Variants in ESRRG observed in about 807,000 individuals in gnomAD.
ESRRG encodes the protein estrogen-related receptor gamma.
ESRRG carries 13 observed loss-of-function variants against 44.0 expected under a neutral mutation model. That is an observed-to-expected ratio of 0.30 (90% confidence interval 0.19 to 0.47). The LOEUF (loss-of-function observed/expected upper bound fraction) is 0.47. ESRRG is among the 20% of genes least tolerant of loss of function. The pLI is 1.00. For missense variants in ESRRG, 395 were observed against 580.6 expected, an observed-to-expected ratio of 0.68 and a Z score of 3.29; for synonymous variants, 215 against 214.6, an observed-to-expected ratio of 1.00 and a Z score of -0.02.
chr1:216,674,493 G>A (rs1186267302), intron 2 of ESRRG, among the ~76,000 whole-genome samples: 1 of 152,188 alleles, frequency 6.6e-6, no homozygotes, highest in East Asian at 1.9e-4. Flanking sequence ...CATATGTACT[G>A]CATACTAACT....
intron 2 of ESRRG, among the ~76,000 whole-genome samples, chr1:216,845,632 G>A (rs186150567): frequency 6.6e-6 from 1 of 152,116 alleles, no homozygotes; most frequent in East Asian, 1.9e-4. Context: ...AGACTCTGAA[G>A]CATCCAGTGG....
At chr1:216,806,550 G>A (rs546328496) in intron 2 of ESRRG, among the ~76,000 whole-genome samples, 1 of 152,130 alleles carries the variant, frequency 6.6e-6, no homozygotes, top group Non-Finnish European at 1.5e-5. Context: ...CGATGCAAAA[G>A]AATAGAAAAT....
intron 2 of ESRRG, among the ~76,000 whole-genome samples, chr1:216,762,068 T>G (rs1299836632): frequency 1.3e-5 from 2 of 152,140 alleles, no homozygotes; most frequent in Non-Finnish European, 1.5e-5. Flanking sequence ...GTTATATTAT[T>G]AAATGCCCTT....
chr1:216,779,265 ATATATT>A (rs1319786711), intron 2 of ESRRG, among the ~76,000 whole-genome samples: 2 of 52,324 alleles, frequency 3.8e-5, no homozygotes, highest in Non-Finnish European at 6.3e-5. Context: ...AAATATAAAT[ATATATT>A]TATATTTATA....
intron 1 of ESRRG, among the ~76,000 whole-genome samples, chr1:216,989,545 CA>C (rs1407625179): frequency 6.6e-6 from 1 of 151,812 alleles, no homozygotes; most frequent in Non-Finnish European, 1.5e-5. Flanking sequence ...TCGAGGATTC[CA>C]TCAATCAAAA....
At position 216,504,285 on chromosome 1, in the gene ESRRG, T is replaced by G. The variant is rs1386137532; in HGVS notation, c.*2654A>C. 1 of 152,258 alleles carries G rather than the reference T, an allele frequency of 6.6e-6. No individual in the cohort carries two copies. Among genetic ancestry groups the G allele is most frequent in the East Asian group, 1.9e-4 (1 of 5,192 alleles). The allele number at this position is 152,258 out of a possible 1,614,324, so 9.4% of individuals were successfully genotyped here. A position where few individuals can be genotyped will look rare whatever the true frequency, so the allele number is the denominator to read the frequency against. On this transcript the variant is annotated 3_prime_UTR_variant, in exon 7 of 7. Coordinates refer to ENST00000408911, the MANE Select transcript of ESRRG (RefSeq NM_001438.4). The stretch of plus-strand genomic sequence containing the variant: ...TCTGGAAAATAATCTTTTTAAACAC[T>G]TACATATATAAATAATCTTATAGAA...
chr1:216,531,537 A>G (rs1478275582), intron 5 of ESRRG, among the ~76,000 whole-genome samples: 2 of 151,998 alleles, frequency 1.3e-5, no homozygotes, highest in Non-Finnish European at 1.5e-5. Context: ...TCTCTACACT[A>G]TCCCCAGTTT....
intron 1 of ESRRG, among the ~76,000 whole-genome samples, chr1:217,080,923 C>A (rs2091711941): frequency 6.6e-6 from 1 of 151,866 alleles, no homozygotes; most frequent in South Asian, 2.1e-4. Context: ...GTGATCCGCC[C>A]GCCTCGGCCT....
At chr1:216,988,274 T>C (rs1403931757) in intron 1 of ESRRG, among the ~76,000 whole-genome samples, 1 of 152,232 alleles carries the variant, frequency 6.6e-6, no homozygotes, top group Non-Finnish European at 1.5e-5. Context: ...TTACCCTGAA[T>C]GTGACATTTG....
chr1:216,628,817 G>T, intron 3 of ESRRG, among the ~76,000 whole-genome samples: 1 of 152,256 alleles, frequency 6.6e-6, no homozygotes, highest in East Asian at 1.9e-4. Context: ...TTGATTTCAA[G>T]ATCCTTCATT....
intron 1 of ESRRG, among the ~76,000 whole-genome samples, chr1:217,080,977 CCA>C (rs1380361838): frequency 6.6e-6 from 1 of 151,708 alleles, no homozygotes; most frequent in Non-Finnish European, 1.5e-5. Flanking sequence ...GCGCCTGACC[CCA>C]GTTTCTAGGT....
At chr1:217,003,582 T>TTA (rs1560437107) in intron 1 of ESRRG, among the ~76,000 whole-genome samples, 43 of 74,006 alleles carry the variant, frequency 5.8e-4, no homozygotes, top group African/African-American at 2.5e-3. Context: ...AATTAATAAG[T>TTA]ATTAATATTA....
intron 2 of ESRRG, among the ~76,000 whole-genome samples, chr1:216,916,946 G>C (rs1032843712): frequency 5.2e-5 from 7 of 135,462 alleles, no homozygotes; most frequent in African/African-American, 2.0e-4. Flanking sequence ...ATTTGCTCAG[G>C]AGTCCATAAT....
intron 2 of ESRRG, among the ~76,000 whole-genome samples, chr1:216,742,034 A>G (rs1325901611): frequency 2.6e-5 from 4 of 152,182 alleles, no homozygotes; most frequent in Admixed American, 2.0e-4. Context: ...GAACAAAATC[A>G]AGATTCTTTT....
intron 2 of ESRRG, among the ~76,000 whole-genome samples, chr1:216,935,945 C>G (rs1330811081): frequency 6.6e-6 from 1 of 151,934 alleles, no homozygotes; most frequent in East Asian, 1.9e-4. Flanking sequence ...CAGCTTCATC[C>G]TGTAGGCATG....
At chr1:216,732,620 G>T (rs967284514) in intron 2 of ESRRG, among the ~76,000 whole-genome samples, 1 of 151,812 alleles carries the variant, frequency 6.6e-6, no homozygotes, top group Non-Finnish European at 1.5e-5. Context: ...CAGCTGATCT[G>T]CCCTACTAGT....
intron 5 of ESRRG, among the ~76,000 whole-genome samples, chr1:216,562,659 G>T (rs370441014): frequency 1.3e-5 from 2 of 151,918 alleles, no homozygotes; most frequent in Admixed American, 6.6e-5. Flanking sequence ...CAATTATCTC[G>T]TCCCAAATAT....
At chr1:216,823,355 A>G (rs1482143645) in intron 2 of ESRRG, among the ~76,000 whole-genome samples, 1 of 152,192 alleles carries the variant, frequency 6.6e-6, no homozygotes, top group Non-Finnish European at 1.5e-5. Flanking sequence ...GTACTGTTGT[A>G]TATAAGGTTG....
chr1:216,569,499 A>T (rs975910916), intron 3 of ESRRG, among the ~76,000 whole-genome samples: 2 of 152,154 alleles, frequency 1.3e-5, no homozygotes, highest in Admixed American at 6.6e-5. Context: ...AAGCCAAGGG[A>T]ATGAATGGGA....
Sources: allele counts gnomAD v4.1 joint callset (sites outside exome capture counted in the v4.1 genomes callset), GRCh38; gene constraint gnomAD v4.1.1; transcripts MANE v1.5; gene names NCBI Gene and HGNC (gene_info 2026-07-23, HGNC 2026-07-21).